Variants in CAND1 observed in about 807,000 individuals in gnomAD.
CAND1 encodes cullin-associated NEDD8-dissociated protein 1.
In CAND1, 7 loss-of-function variants were observed where a neutral mutation model predicts 108.5. The ratio of observed to expected loss-of-function variants is 0.06; its 90% confidence interval spans 0.04 to 0.12. The LOEUF is 0.12. Ranked by LOEUF, CAND1 falls within the 10% of genes least tolerant of loss-of-function variation. CAND1 has a pLI of 1.00. For synonymous variants in CAND1, 534 were observed against 512.0 expected, an observed-to-expected ratio of 1.04 and a Z score of -0.58; for missense variants, 941 against 1,448.7, an observed-to-expected ratio of 0.65 and a Z score of 5.69.
At chr12:67,294,531 A>G (rs1279868076) in intron 3 of CAND1, among the ~76,000 whole-genome samples, 1 of 152,214 alleles carries the variant, frequency 6.6e-6, no homozygotes, top group African/African-American at 2.4e-5. Context: ...CTAGGTGTGC[A>G]AGCTCTACAG....
chr12:67,276,146 A>G (rs755104626), intron 1 of CAND1, among the ~76,000 whole-genome samples: 29 of 152,038 alleles, frequency 1.9e-4, no homozygotes, highest in Non-Finnish European at 3.4e-4. Context: ...TTTTCTTCCT[A>G]TATACTGCAG....
intron 7 of CAND1, among the ~76,000 whole-genome samples, chr12:67,300,939 A>AAG: frequency 6.6e-6 from 1 of 152,278 alleles, no homozygotes; most frequent in Non-Finnish European, 1.5e-5. Flanking sequence ...ATCACTTAGT[A>AAG]TGAATTATAC....
intron 1 of CAND1, among the ~76,000 whole-genome samples, chr12:67,271,453 A>G (rs1241647516): frequency 1.3e-5 from 2 of 152,146 alleles, no homozygotes; most frequent in Admixed American, 6.6e-5. Context: ...TAATAATACA[A>G]TTTTGTTCAA....
intron 10 of CAND1, among the ~76,000 whole-genome samples, chr12:67,306,958 A>C (rs2044893127): frequency 6.6e-6 from 1 of 152,090 alleles, no homozygotes; most frequent in Non-Finnish European, 1.5e-5. Flanking sequence ...ACTTTTTTCA[A>C]ATGGAAGATT....
At position 67,319,656 on chromosome 12, in the gene CAND1, G is replaced by C. The variant is rs1484369827; in HGVS notation, c.*6826G>C. 3 of 152,198 alleles carry C rather than the reference G, an allele frequency of 2.0e-5. No individual in the cohort carries two copies. Among genetic ancestry groups the C allele is most frequent in the Non-Finnish European group, 4.4e-5 (3 of 68,036 alleles). 9.4% of individuals were successfully genotyped at this position (152,198 alleles called of 1,614,324 possible). A position where few individuals can be genotyped will look rare whatever the true frequency, so the allele number is the denominator to read the frequency against. ...GGTATGGGAAGGGCCGACTAGTCCA[G>C]CTGTTCACAAACAGCCCTTAATGTC... On this transcript the variant is annotated 3_prime_UTR_variant, in exon 15 of 15. Transcript: ENST00000545606.
chr12:67,311,900 C>T lies in CAND1; in HGVS notation c.3468+100C>T, dbSNP rs117095883. On this transcript the variant is annotated intron_variant, in intron 14 of 14. Coordinates refer to ENST00000545606, the MANE Select transcript of CAND1 (RefSeq NM_018448.5). Reference sequence around the variant, plus strand: ...TTCCAAATATAACTATTCCAGTGCTCTGTGTAGCAGTTGGTTTAAAAAGTT... The same window carrying T: ...TTCCAAATATAACTATTCCAGTGCTTTGTGTAGCAGTTGGTTTAAAAAGTT... 8 of 722,374 alleles carry T rather than the reference C, an allele frequency of 1.1e-5. No homozygotes were observed. The East Asian group carries it at 2.1e-4, about 19-fold the overall frequency. The allele number at this position is 722,374 out of a possible 1,614,324, so 44.7% of individuals were successfully genotyped here.
intron 11 of CAND1, among the ~76,000 whole-genome samples, chr12:67,308,979 A>G (rs2044920107): frequency 6.6e-6 from 1 of 151,974 alleles, no homozygotes; most frequent in Admixed American, 6.6e-5. Flanking sequence ...TGTGTATTCT[A>G]AAAGATTGCT....
Position 67,295,016 on chromosome 12 carries a change from G to T in CAND1, c.368-17G>T. The T allele has an allele frequency of 6.2e-7, 1 of 1,602,724 alleles. No individual in the cohort carries two copies. The highest frequency in any genetic ancestry group is 8.5e-7 in the Non-Finnish European group (1 of 1,174,836). On this transcript the variant is annotated splice_polypyrimidine_tract_variant and intron_variant, in intron 3 of 14. Coordinates refer to ENST00000545606, the MANE Select transcript of CAND1 (RefSeq NM_018448.5). ...CATGCTTGCCTTGAAATTATTATTG[G>T]CTTCTTATTCATGCAGGCTCTGCAT...
In CAND1 at chr12:67,269,374, C is replaced by G. The variant is rs1019918070; in HGVS notation, c.-344C>G. Reference sequence around the variant, plus strand: ...GGCTTTGGCCTTTTGCCCTAGGGAGCGAGTGCGGAGCGAGTGGGAGCGAGA... The same window carrying G: ...GGCTTTGGCCTTTTGCCCTAGGGAGGGAGTGCGGAGCGAGTGGGAGCGAGA... On this transcript the variant is annotated 5_prime_UTR_variant, in exon 1 of 15. Coordinates refer to ENST00000545606, the MANE Select transcript of CAND1 (RefSeq NM_018448.5). 2 of 303,274 alleles carry G rather than the reference C, an allele frequency of 6.6e-6. No individual in the cohort carries two copies. Among genetic ancestry groups the G allele is most frequent in the Non-Finnish European group, 6.1e-6 (1 of 163,790 alleles). The allele number at this position is 303,274 out of a possible 1,614,324, so 18.8% of individuals were successfully genotyped here. A position where few individuals can be genotyped will look rare whatever the true frequency, so the allele number is the denominator to read the frequency against.
chr12:67,275,487 C>T (rs568983553), intron 1 of CAND1, among the ~76,000 whole-genome samples: 53 of 151,864 alleles, frequency 3.5e-4, no homozygotes, highest in Non-Finnish European at 6.5e-4. Context: ...GATTGCACCA[C>T]TGCACTGTGG....
At chr12:67,285,745 G>C (rs2044664352) in intron 2 of CAND1, among the ~76,000 whole-genome samples, 1 of 152,080 alleles carries the variant, frequency 6.6e-6, no homozygotes, top group African/African-American at 2.4e-5. Context: ...CCATAAATTA[G>C]TTTTGCCTGT....
At chr12:67,291,929 A>G (rs2044726107) in intron 2 of CAND1, among the ~76,000 whole-genome samples, 1 of 152,144 alleles carries the variant, frequency 6.6e-6, no homozygotes, top group South Asian at 2.1e-4. Flanking sequence ...CAGTGGTACA[A>G]TCTCGGCTCA....
chr12:67,308,466 G>A (rs1231503374), intron 11 of CAND1, among the ~76,000 whole-genome samples: 2 of 152,054 alleles, frequency 1.3e-5, no homozygotes, highest in Non-Finnish European at 2.9e-5. Context: ...AGAGGAAGAG[G>A]CCCATGCCAT....
intron 1 of CAND1, among the ~76,000 whole-genome samples, chr12:67,278,555 G>T (rs1389392164): frequency 6.6e-6 from 1 of 151,942 alleles, no homozygotes; most frequent in Non-Finnish European, 1.5e-5. Context: ...ATCTCACTCT[G>T]TCACCTAGGC....
chr12:67,303,542 A>AT (rs1162453987), intron 8 of CAND1, among the ~76,000 whole-genome samples: 3 of 151,940 alleles, frequency 2.0e-5, no homozygotes, highest in South Asian at 2.1e-4. Flanking sequence ...AAAGTCAGAC[A>AT]TTTTTTTTGT....
rs2044493491 is a variant in CAND1 at position 67,269,423 on chromosome 12, C to T, written c.-295C>T. On this transcript the variant is annotated 5_prime_UTR_variant, in exon 1 of 15. Coordinates refer to ENST00000545606, the MANE Select transcript of CAND1 (RefSeq NM_018448.5). Reference sequence around the variant, plus strand: ...GACGGCCCTGAGTGGAAGTGTCTGGCTCCCCGTAGAGGCCCTTCTGTACGC... The same window carrying T: ...GACGGCCCTGAGTGGAAGTGTCTGGTTCCCCGTAGAGGCCCTTCTGTACGC... 4.7e-6 allele frequency: 2 copies of T among 426,372 alleles called. No individual in the cohort carries two copies. The highest frequency in any genetic ancestry group is 4.9e-5 in the Admixed American group (1 of 20,436). The allele number at this position is 426,372 out of a possible 1,614,324, so 26.4% of individuals were successfully genotyped here.
At chr12:67,309,548 C>A (rs547589224) in intron 11 of CAND1, among the ~76,000 whole-genome samples, 3 of 152,026 alleles carry the variant, frequency 2.0e-5, no homozygotes, top group Admixed American at 2.0e-4. Flanking sequence ...TAGTGAACTA[C>A]AAGGAGAATC....
At chr12:67,304,426 C>T (rs1025658586) in intron 8 of CAND1, among the ~76,000 whole-genome samples, 179 bp from the exon 9 acceptor site, 2 of 152,134 alleles carry the variant, frequency 1.3e-5, no homozygotes, top group Admixed American at 1.3e-4. Flanking sequence ...TACAAGAGAA[C>T]ATATATAATA....
Position 67,305,154 on chromosome 12 carries a change from G to A in CAND1, c.1486G>A (p.Asp496Asn), listed in dbSNP as rs775012990. 2 of 1,611,706 alleles carry A rather than the reference G, an allele frequency of 1.2e-6. No individual in the cohort carries two copies. The highest frequency in any genetic ancestry group is 1.7e-4 in the Middle Eastern group (1 of 6,056). Residue 496 changes from aspartate (D) to asparagine (N), a missense_variant, in exon 10 of 15, where the codon GAT becomes AAT. This residue lies in a region of CAND1 where 697 missense variants were observed against 942.0 expected (regional missense o/e 0.74). Transcript: ENST00000545606. This position sits in a 1 kb window ranked among gnomAD's most constrained non-coding sequence, Gnocchi z 4.4. ...ATCAAGCTCATCGAATTTGAAGATCGATGCTTTGTCATGTCTATACGTAAT... is the reference window on the plus strand; with the variant it reads ...ATCAAGCTCATCGAATTTGAAGATCAATGCTTTGTCATGTCTATACGTAAT... ...DKSSSSNLKI[D>N]ALSCLYVILC...
Sources: allele counts gnomAD v4.1 joint callset (sites outside exome capture counted in the v4.1 genomes callset), GRCh38; gene constraint gnomAD v4.1.1; regional missense constraint gnomAD v4.1.1; non-coding constraint Gnocchi (gnomAD v3.1); transcripts MANE v1.5; gene names NCBI Gene and HGNC (gene_info 2026-07-23, HGNC 2026-07-21).